The following NOL4L variants were observed in gnomAD, a reference collection of about 807,000 sequenced individuals.
The protein encoded by NOL4L is nucleolar protein 4 like.
Under a neutral mutation model 64.5 loss-of-function variants are expected in NOL4L, and 7 were observed. That is an observed-to-expected ratio of 0.11 (90% CI 0.06 to 0.20). NOL4L has a LOEUF of 0.20. Among genes scored for constraint, NOL4L ranks in the 10% least tolerant of loss-of-function variants. The pLI is 1.00. For missense variants in NOL4L, 680 were observed against 967.1 expected (o/e 0.70, Z 3.94); for synonymous variants, 413 against 401.0 (o/e 1.03, Z -0.36).
chr20:32,547,528 T>C (rs2145602712), intron 1 of NOL4L, among the ~76,000 whole-genome samples: 1 of 152,098 alleles, frequency 6.6e-6, no homozygotes. Context: ...TGGGCTCAAG[T>C]CATTCTCCCA....
At chr20:32,550,159 C>T (rs542397234) in intron 1 of NOL4L, among the ~76,000 whole-genome samples, 41 of 152,154 alleles carry the variant, frequency 2.7e-4, no homozygotes, top group Non-Finnish European at 4.9e-4. Context: ...CATCGTTGTG[C>T]GAACATCATA....
At chr20:32,538,490 C>T (rs1311345271) in intron 1 of NOL4L, among the ~76,000 whole-genome samples, 1 of 116,066 alleles carries the variant, frequency 8.6e-6, no homozygotes, top group Non-Finnish European at 1.9e-5. Context: ...TCCCTCCCTC[C>T]CTCCCTCCCT....
At chr20:32,480,876 C>G (rs1252441552) in intron 4 of NOL4L, among the ~76,000 whole-genome samples, 1 of 152,154 alleles carries the variant, frequency 6.6e-6, no homozygotes, top group Non-Finnish European at 1.5e-5. Flanking sequence ...CCCAAGCCCA[C>G]CTAGCCACCA....
intron 3 of NOL4L, among the ~76,000 whole-genome samples, chr20:32,517,385 CA>C (rs2017716575): frequency 6.6e-6 from 1 of 152,198 alleles, no homozygotes; most frequent in Non-Finnish European, 1.5e-5. Context: ...GGAGGGCTGG[CA>C]ATGCAGGGGT....
At chr20:32,511,059 C>T (rs554125576) in intron 4 of NOL4L, among the ~76,000 whole-genome samples, 2 of 152,282 alleles carry the variant, frequency 1.3e-5, no homozygotes, top group African/African-American at 2.4e-5. Flanking sequence ...GCCAGGGCTG[C>T]GGCTCCCTCC....
chr20:32,563,628 G>C (rs576335818), intron 1 of NOL4L, among the ~76,000 whole-genome samples: 1 of 152,054 alleles, frequency 6.6e-6, no homozygotes, highest in Non-Finnish European at 1.5e-5. Context: ...TGGTGACAAC[G>C]GCAGTAATCC....
chr20:32,527,119 C>T (rs1005343263), intron 2 of NOL4L, among the ~76,000 whole-genome samples: 3 of 152,314 alleles, frequency 2.0e-5, no homozygotes, highest in South Asian at 2.1e-4. Context: ...CTGTGTCTGG[C>T]GGTGCCTGTG....
At chr20:32,553,421 C>T (rs921789717) in intron 1 of NOL4L, among the ~76,000 whole-genome samples, 1 of 152,166 alleles carries the variant, frequency 6.6e-6, no homozygotes, top group Non-Finnish European at 1.5e-5. Flanking sequence ...GTCCTTTTCT[C>T]TTCCTGGAAT....
chr20:32,501,686 A>C (rs111882527), intron 4 of NOL4L, among the ~76,000 whole-genome samples: 2,472 of 152,364 alleles, frequency 0.016, 79 homozygotes, highest in African/African-American at 0.056. Flanking sequence ...TCTATCAAAA[A>C]AAAAATGAAA....
chr20:32,500,534 C>CTAGAGACATGGT (rs1568661344), intron 4 of NOL4L, among the ~76,000 whole-genome samples: 2 of 109,224 alleles, frequency 1.8e-5, no homozygotes, highest in Middle Eastern at 3.9e-3. Flanking sequence ...TTTTGTATTT[C>CTAGAGACATGGT]TTTCTTTTTT....
At chr20:32,576,557 A>C (rs1355875471) in intron 1 of NOL4L, among the ~76,000 whole-genome samples, 1 of 152,094 alleles carries the variant, frequency 6.6e-6, no homozygotes, top group African/African-American at 2.4e-5. Context: ...TGGGACCTTG[A>C]GTGAGTTCCC....
intron 1 of NOL4L, 91 bp from the exon 2 acceptor site, chr20:32,528,004 C>A: frequency 1.8e-4 from 98 of 548,410 alleles, no homozygotes; most frequent in Middle Eastern, 3.7e-4. Flanking sequence ...TCAGGACGGG[C>A]AATGCCTCCG....
chr20:32,537,274 A>AC (rs1197303423), intron 1 of NOL4L, among the ~76,000 whole-genome samples: 2 of 151,172 alleles, frequency 1.3e-5, no homozygotes, highest in Non-Finnish European at 3.0e-5. Flanking sequence ...GCAGACTTGA[A>AC]CCCCCCATCC....
chr20:32,523,598 C>A (rs890421081), intron 2 of NOL4L, among the ~76,000 whole-genome samples: 2 of 152,186 alleles, frequency 1.3e-5, no homozygotes, highest in African/African-American at 4.8e-5. Context: ...TAGATTTAAG[C>A]TGCAGACCCT....
intron 2 of NOL4L, among the ~76,000 whole-genome samples, chr20:32,521,934 A>G (rs773583329): frequency 1.4e-4 from 21 of 152,342 alleles, no homozygotes; most frequent in Non-Finnish European, 2.5e-4. Context: ...CGCAGCCCGC[A>G]GCCGGGCTGG....
At chr20:32,479,288 G>A (rs543389928) in intron 4 of NOL4L, among the ~76,000 whole-genome samples, 1 of 152,372 alleles carries the variant, frequency 6.6e-6, no homozygotes, top group South Asian at 2.1e-4. Flanking sequence ...GAGTGGCCAA[G>A]GCCTCAGGCC....
At chr20:32,538,466 C>CCTCG (rs1266456493) in intron 1 of NOL4L, among the ~76,000 whole-genome samples, 2 of 17,196 alleles carry the variant, frequency 1.2e-4, no homozygotes, top group Admixed American at 7.2e-4. Flanking sequence ...TCCCTCGCTC[C>CCTCG]CTCCCTCCCT....
At chr20:32,571,816 G>A (rs530039308) in intron 1 of NOL4L, among the ~76,000 whole-genome samples, 3 of 152,238 alleles carry the variant, frequency 2.0e-5, no homozygotes, top group Non-Finnish European at 4.4e-5. Flanking sequence ...CCCACCCGCT[G>A]AGGGCAGAGG....
At chr20:32,486,137 T>C (rs1442335240) in intron 4 of NOL4L, among the ~76,000 whole-genome samples, 1 of 152,244 alleles carries the variant, frequency 6.6e-6, no homozygotes, top group Non-Finnish European at 1.5e-5. Context: ...TTTTCATGTG[T>C]GTGTGCTGAA....
Sources: allele counts gnomAD v4.1 joint callset (sites outside exome capture counted in the v4.1 genomes callset), GRCh38; gene constraint gnomAD v4.1.1; transcripts MANE v1.5; gene names NCBI Gene and HGNC (gene_info 2026-07-23, HGNC 2026-07-21).